The following EYS variants were observed in gnomAD, a reference collection of about 807,000 sequenced individuals.
EYS encodes protein eyes shut homolog.
Under a neutral mutation model 282.1 loss-of-function variants are expected in EYS, and 250 were observed. The ratio of observed to expected loss-of-function variants is 0.89; its 90% CI spans 0.80 to 0.98. The LOEUF (loss-of-function observed/expected upper bound fraction) is 0.98. Ranked by LOEUF, EYS falls within the 50% of genes least tolerant of loss-of-function variation. The pLI is 0.00. For missense variants in EYS, 4,016 were observed against 3,709.0 expected (o/e 1.08, Z -2.15); for synonymous variants, 1,355 against 1,282.9 (o/e 1.06, Z -1.20).
At chr6:63,993,904 G>T (rs1767715563) in intron 34 of EYS, among the ~76,000 whole-genome samples, 1 of 151,792 alleles carries the variant, frequency 6.6e-6, no homozygotes, top group Non-Finnish European at 1.5e-5. Flanking sequence ...GTATATTACA[G>T]AGCTATAGTA....
chr6:65,556,375 A>T (rs1768798817), intron 2 of EYS, among the ~76,000 whole-genome samples: 1 of 86,402 alleles, frequency 1.2e-5, no homozygotes, highest in South Asian at 3.8e-4. Flanking sequence ...TATGTGGAGG[A>T]GACTGCTGGG....
intron 13 of EYS, among the ~76,000 whole-genome samples, chr6:65,004,970 C>T (rs555021853): frequency 6.7e-6 from 1 of 148,252 alleles, no homozygotes; most frequent in African/African-American, 2.4e-5. Context: ...GAAGACATTG[C>T]AATTAAGAAA....
At chr6:65,487,254 T>G (rs878981253) in intron 5 of EYS, among the ~76,000 whole-genome samples, 1 of 152,178 alleles carries the variant, frequency 6.6e-6, no homozygotes, top group South Asian at 2.1e-4. Flanking sequence ...CTTCTGCCAG[T>G]TTTCAAAGGG....
chr6:65,642,942 G>T (rs919922063), intron 1 of EYS, among the ~76,000 whole-genome samples: 2 of 152,214 alleles, frequency 1.3e-5, no homozygotes, highest in Admixed American at 6.5e-5. Flanking sequence ...TTCCTGCTTG[G>T]ACAGACAGAG....
At chr6:65,123,632 T>C (rs1424535279) in intron 12 of EYS, among the ~76,000 whole-genome samples, 3 of 152,058 alleles carry the variant, frequency 2.0e-5, no homozygotes, top group African/African-American at 7.2e-5. Context: ...GAGTGGCTAA[T>C]ATATGTTTAT....
At chr6:63,795,925 G>T (rs1411843536) in intron 37 of EYS, among the ~76,000 whole-genome samples, 1 of 152,082 alleles carries the variant, frequency 6.6e-6, no homozygotes, top group Non-Finnish European at 1.5e-5. Flanking sequence ...TAATCATTAT[G>T]AAATTCTCAT....
At chr6:65,223,501 T>C (rs1476129189) in intron 12 of EYS, among the ~76,000 whole-genome samples, 1 of 152,228 alleles carries the variant, frequency 6.6e-6, no homozygotes, top group East Asian at 1.9e-4. Context: ...ATAAGTGGTC[T>C]ATATTCCTAG....
At chr6:65,703,795 CCTT>C (rs1319683614) in intron 1 of EYS, among the ~76,000 whole-genome samples, 1 of 151,998 alleles carries the variant, frequency 6.6e-6, no homozygotes. Flanking sequence ...CATCTAATGA[CCTT>C]CTCTCCAAGA....
chr6:65,575,986 T>C (rs1764651401), intron 2 of EYS, among the ~76,000 whole-genome samples: 1 of 151,958 alleles, frequency 6.6e-6, no homozygotes, highest in Non-Finnish European at 1.5e-5. Context: ...GACTTGATGG[T>C]TTCAGTGCTG....
chr6:64,483,846 G>C (rs1415523005), intron 26 of EYS, among the ~76,000 whole-genome samples: 1 of 151,566 alleles, frequency 6.6e-6, no homozygotes, highest in Non-Finnish European at 1.5e-5. Context: ...ATAGGGAAGG[G>C]AGGTGCTGTT....
At chr6:65,455,176 T>A (rs533747909) in intron 5 of EYS, among the ~76,000 whole-genome samples, 1 of 152,132 alleles carries the variant, frequency 6.6e-6, no homozygotes, top group Non-Finnish European at 1.5e-5. Context: ...TTGATTTCTT[T>A]TATAAAAATT....
chr6:64,331,367 C>G lies in EYS; in HGVS notation c.6079-24285G>C, dbSNP rs372910686. Reference sequence around the variant, plus strand: ...TTGCAAAGGGCATCAAACAGGAGGGCGTGACGAGGCTAGAGGAAACAGAAA... The same window carrying G: ...TTGCAAAGGGCATCAAACAGGAGGGGGTGACGAGGCTAGAGGAAACAGAAA... On this transcript the variant is annotated intron_variant, in intron 29 of 42. Coordinates refer to ENST00000503581, the MANE Select transcript of EYS (RefSeq NM_001142800.2). Among the ~76,000 whole-genome samples, 11 of 152,050 alleles carry G rather than the reference C, an allele frequency of 7.2e-5. No homozygotes were observed. The East Asian group carries it at 1.6e-3, about 21-fold the overall frequency.
intron 18 of EYS, among the ~76,000 whole-genome samples, chr6:64,895,805 A>G (rs1283009344): frequency 1.3e-5 from 2 of 152,068 alleles, no homozygotes; most frequent in African/African-American, 2.4e-5. Context: ...CTTTACACCC[A>G]TACTCATACT....
chr6:64,683,870 G>A (rs374141914), intron 22 of EYS, among the ~76,000 whole-genome samples: 2 of 152,118 alleles, frequency 1.3e-5, no homozygotes, highest in African/African-American at 2.4e-5. Context: ...AGGCCTAACC[G>A]CCTGACCACA....
At chr6:65,454,804 C>T (rs1764541151) in intron 5 of EYS, among the ~76,000 whole-genome samples, 1 of 151,952 alleles carries the variant, frequency 6.6e-6, no homozygotes. Flanking sequence ...TGTTGAAAAT[C>T]AGTTCACTGT....
chr6:64,306,153 A>G (rs1458699984), intron 30 of EYS, among the ~76,000 whole-genome samples: 1 of 152,114 alleles, frequency 6.6e-6, no homozygotes, highest in East Asian at 1.9e-4. Flanking sequence ...GGAAATGCAA[A>G]TCAAAACTGT....
At chr6:63,859,740 G>T (rs985216474) in intron 36 of EYS, among the ~76,000 whole-genome samples, 8 of 152,012 alleles carry the variant, frequency 5.3e-5, no homozygotes, top group African/African-American at 1.7e-4. Context: ...TGTTTAAAAA[G>T]GAAAGCAGCT....
chr6:64,674,857 GA>G (rs916952701), intron 22 of EYS, among the ~76,000 whole-genome samples: 4 of 150,674 alleles, frequency 2.7e-5, no homozygotes, highest in Admixed American at 6.6e-5. Flanking sequence ...ATTGCTTGGA[GA>G]AAAAAAAATC....
intron 12 of EYS, among the ~76,000 whole-genome samples, chr6:65,232,448 G>T (rs1310028772): frequency 6.6e-6 from 1 of 151,918 alleles, no homozygotes; most frequent in East Asian, 1.9e-4. Context: ...AATTCTTAAA[G>T]TCCAAATTTC....
Sources: gnomAD v4.1 joint callset for allele counts (sites outside exome capture counted in the v4.1 genomes callset) on GRCh38, gnomAD v4.1.1 for gene constraint, MANE v1.5 for transcripts, NCBI Gene and HGNC (gene_info 2026-07-23, HGNC 2026-07-21) for gene names.